MEIS1: variants seen among roughly 807,000 people sequenced by gnomAD.
The protein encoded by MEIS1 is homeobox protein Meis1.
Under a neutral mutation model 50.8 loss-of-function variants are expected in MEIS1, and 5 were observed. That is an observed-to-expected ratio of 0.10 (90% CI 0.05 to 0.21). The LOEUF (loss-of-function observed/expected upper bound fraction) is 0.21. MEIS1 is among the 10% of genes least tolerant of loss of function. MEIS1 has a pLI of 1.00. For missense variants in MEIS1, 318 were observed against 517.3 expected (o/e 0.61, Z 3.74); for synonymous variants, 176 against 179.3 (o/e 0.98, Z 0.15).
intron 8 of MEIS1, among the ~76,000 whole-genome samples, chr2:66,545,744 C>T (rs1674774896): frequency 6.6e-6 from 1 of 152,154 alleles, no homozygotes; most frequent in South Asian, 2.1e-4. Context: ...AGCTCAGTAG[C>T]CAGTCATGAG....
At chr2:66,530,534 G>T (rs1399126618) in intron 8 of MEIS1, among the ~76,000 whole-genome samples, 1 of 152,150 alleles carries the variant, frequency 6.6e-6, no homozygotes, top group Non-Finnish European at 1.5e-5. Context: ...CTAACACGGT[G>T]AAACCCCGTC....
intron 7 of MEIS1, among the ~76,000 whole-genome samples, chr2:66,484,329 G>A (rs919513372): frequency 4.6e-5 from 7 of 152,140 alleles, no homozygotes; most frequent in African/African-American, 9.7e-5. Context: ...TATGTGTACA[G>A]TGTTGTAGCA....
chr2:66,456,677 G>A (rs575316878), intron 6 of MEIS1, among the ~76,000 whole-genome samples: 14 of 152,352 alleles, frequency 9.2e-5, no homozygotes, highest in Non-Finnish European at 1.6e-4. Flanking sequence ...TACAGACTTG[G>A]CAAAGGTAAG....
intron 7 of MEIS1, among the ~76,000 whole-genome samples, chr2:66,489,261 G>A (rs1673212984): frequency 6.6e-6 from 1 of 152,198 alleles, no homozygotes; most frequent in Non-Finnish European, 1.5e-5. Context: ...TGGCAAACAA[G>A]TAGAAAAATA....
At chr2:66,472,646 C>T (rs1672789297) in intron 7 of MEIS1, among the ~76,000 whole-genome samples, 1 of 152,168 alleles carries the variant, frequency 6.6e-6, no homozygotes, top group South Asian at 2.1e-4. Context: ...ACTCCGTGGT[C>T]AGGCCTGCTG....
At chr2:66,463,968 G>T in intron 6 of MEIS1, 141 bp from the exon 7 acceptor site, 1 of 628,354 alleles carries the variant, frequency 1.6e-6, no homozygotes. Context: ...CTCTGAGCTG[G>T]AACCATGGTT....
At position 66,567,597 on chromosome 2, in the gene MEIS1, A is replaced by C. The variant is rs780619652; in HGVS notation, c.1024+86A>C. The C allele has an allele frequency of 7.2e-6, 9 of 1,246,046 alleles. No homozygotes were observed. In the South Asian group the frequency reaches 7.5e-5, roughly 10 times the overall value. The allele number at this position is 1,246,046 out of a possible 1,614,324, so 77.2% of individuals were successfully genotyped here. On this transcript the variant is annotated intron_variant, in intron 10 of 12. Coordinates refer to ENST00000272369, the MANE Select transcript of MEIS1 (RefSeq NM_002398.3). ...CACCGGGAGGTCCGCTACCTGGTAA[A>C]TAAACTGGGAGTGAGTATAGGAACG...
chr2:66,474,751 C>T (rs1672848995), intron 7 of MEIS1, among the ~76,000 whole-genome samples: 1 of 152,178 alleles, frequency 6.6e-6, no homozygotes, highest in South Asian at 2.1e-4. Flanking sequence ...GTTTGGCTTT[C>T]TCCCTCTTAC....
At chr2:66,452,850 A>G (rs1672306465) in intron 6 of MEIS1, among the ~76,000 whole-genome samples, 1 of 151,964 alleles carries the variant, frequency 6.6e-6, no homozygotes, top group South Asian at 2.1e-4. Flanking sequence ...AATAAGCAAG[A>G]AAAACATCTG....
chr2:66,568,028 G>T (rs1244605785), intron 10 of MEIS1: 1 of 180,722 alleles, frequency 5.5e-6, no homozygotes, highest in Non-Finnish European at 1.2e-5. Context: ...TAAAACACGG[G>T]ATTCAGGTAG....
intron 7 of MEIS1, among the ~76,000 whole-genome samples, chr2:66,475,381 C>G (rs1264041156): frequency 1.4e-5 from 2 of 147,498 alleles, no homozygotes; most frequent in African/African-American, 4.9e-5. Context: ...TATATATTCT[C>G]CCTCTCATTC....
chr2:66,476,706 G>A lies in MEIS1; in HGVS notation c.742+12486G>A, dbSNP rs116638683. 6.5e-3 allele frequency among the ~76,000 whole-genome samples: 995 copies of A among 152,272 alleles called. 6 individuals carry two copies. The highest frequency in any genetic ancestry group is 9.7e-3 in the Non-Finnish European group (660 of 68,014). On this transcript the variant is annotated intron_variant, in intron 7 of 12. Coordinates refer to ENST00000272369, the MANE Select transcript of MEIS1 (RefSeq NM_002398.3). ...TGGTGGCCATTTTTAATGGATCACA[G>A]CACCCTTGTCACGGGGCCTGAAAGG...
At chr2:66,561,244 G>A (rs1323283448) in intron 9 of MEIS1, among the ~76,000 whole-genome samples, 1 of 151,884 alleles carries the variant, frequency 6.6e-6, no homozygotes, top group Non-Finnish European at 1.5e-5. Context: ...AAGGGATGCT[G>A]ACTTTAAAAA....
At chr2:66,514,217 G>T (rs76835318) in intron 8 of MEIS1, among the ~76,000 whole-genome samples, 1 of 152,088 alleles carries the variant, frequency 6.6e-6, no homozygotes, top group Non-Finnish European at 1.5e-5. Context: ...ATCAAATATT[G>T]GTTCAGACAG....
intron 7 of MEIS1, among the ~76,000 whole-genome samples, chr2:66,509,999 C>A (rs1333302185): frequency 6.6e-6 from 1 of 152,118 alleles, no homozygotes; most frequent in East Asian, 1.9e-4. Context: ...GGAAAATAAT[C>A]ATGGGGAGGT....
intron 1 of MEIS1, chr2:66,436,925 T>C: frequency 1.0e-6 from 1 of 985,378 alleles, no homozygotes. Context: ...CATTTGCTTT[T>C]GAATTTGCTT....
Position 66,549,433 on chromosome 2 carries a change from G to A in MEIS1, c.965+1414G>A, listed in dbSNP as rs1674865304. 2.6e-5 allele frequency among the ~76,000 whole-genome samples: 4 copies of A among 151,678 alleles called. No individual in the cohort carries two copies. In the South Asian group the frequency reaches 8.3e-4, roughly 32 times the overall value. The stretch of plus-strand genomic sequence containing the variant: ...TGTTTGCCTATTTCTACCTGCTACT[G>A]TGTCTTAATTTTCAAGGCTGTTAAT... On this transcript the variant is annotated intron_variant, in intron 9 of 12. Transcript: ENST00000272369.
chr2:66,469,135 C>G (rs1474464333), intron 7 of MEIS1, among the ~76,000 whole-genome samples: 3 of 151,990 alleles, frequency 2.0e-5, no homozygotes, highest in Non-Finnish European at 4.4e-5. Context: ...ATCTCTAAAA[C>G]CCACTTATGA....
intron 7 of MEIS1, among the ~76,000 whole-genome samples, chr2:66,481,274 G>A (rs955478831): frequency 6.6e-6 from 1 of 152,246 alleles, no homozygotes; most frequent in Non-Finnish European, 1.5e-5. Flanking sequence ...TCTGGTGCTA[G>A]GAAAGACTTC....
Sources: gnomAD v4.1 joint callset for allele counts (sites outside exome capture counted in the v4.1 genomes callset) on GRCh38, gnomAD v4.1.1 for gene constraint, MANE v1.5 for transcripts, NCBI Gene and HGNC (gene_info 2026-07-23, HGNC 2026-07-21) for gene names.